WNT4: variants seen among roughly 807,000 people sequenced by gnomAD.
WNT4 encodes Wnt family member 4.
Under a neutral mutation model 34.5 loss-of-function variants are expected in WNT4, and 16 were observed. That is an observed-to-expected ratio of 0.46 (90% confidence interval 0.31 to 0.70). WNT4 has a LOEUF of 0.70. Among genes scored for constraint, WNT4 ranks in the 30% least tolerant of loss-of-function variants. The pLI is 0.04. For missense variants in WNT4, 379 were observed against 495.9 expected, an observed-to-expected ratio of 0.76 and a Z score of 2.24; for synonymous variants, 200 against 211.9, an observed-to-expected ratio of 0.94 and a Z score of 0.49.
intron 1 of WNT4, among the ~76,000 whole-genome samples, chr1:22,141,254 CTTT>C (rs1006607556): frequency 6.6e-6 from 1 of 152,154 alleles, no homozygotes; most frequent in Admixed American, 6.5e-5. Flanking sequence ...TGGACTGCCA[CTTT>C]TTTTTCTTTG....
At chr1:22,127,292 G>A (rs756319761) in intron 2 of WNT4, 1 of 526,336 alleles carries the variant, frequency 1.9e-6, no homozygotes, top group Non-Finnish European at 3.9e-6. Flanking sequence ...TGCTGAGCCG[G>A]TGTGGGTGCC....
Position 22,137,726 on chromosome 1 carries a change from C to T in WNT4, c.77+5120G>A, listed in dbSNP as rs1330703391. On this transcript the variant is annotated intron_variant, in intron 1 of 4. Transcript: ENST00000290167. The surrounding 1 kb of genome is among the most constrained non-coding windows in gnomAD (Gnocchi z 5.3). ...GCCTGAGCAACCCCCTCGGGCAGAG[C>T]CTGGTCCTGGGGTGCTGCAGTGCTG... Among the ~76,000 whole-genome samples, 1 of 152,222 alleles carries T rather than the reference C, an allele frequency of 6.6e-6. No individual in the cohort carries two copies. The highest frequency in any genetic ancestry group is 1.9e-4 in the East Asian group (1 of 5,198).
intron 1 of WNT4, among the ~76,000 whole-genome samples, chr1:22,131,118 G>A (rs34087879): frequency 0.16 from 24,374 of 152,256 alleles, 2,032 homozygotes; most frequent in Admixed American, 0.2. Flanking sequence ...GGCAGAGACA[G>A]TATTCTCTGT....
chr1:22,122,383 C>T (rs1301936539), intron 2 of WNT4, among the ~76,000 whole-genome samples: 3 of 152,124 alleles, frequency 2.0e-5, no homozygotes, highest in East Asian at 1.9e-4. Context: ...CTCAAGCACA[C>T]GTCTGTCTGC....
intron 2 of WNT4, among the ~76,000 whole-genome samples, chr1:22,125,194 C>T (rs1295397900): frequency 2.6e-5 from 4 of 152,128 alleles, no homozygotes; most frequent in Non-Finnish European, 5.9e-5. Context: ...GGCCAGACCT[C>T]GCACCTCTCT....
chr1:22,129,009 C>T (rs774387202), intron 2 of WNT4, among the ~76,000 whole-genome samples: 9 of 152,252 alleles, frequency 5.9e-5, no homozygotes, highest in East Asian at 1.9e-4. Flanking sequence ...CATGAGCTGC[C>T]GCGCCCAGCT....
chr1:22,120,513 A>G lies in WNT4; in HGVS notation c.593T>C (p.Ile198Thr). The G allele has an allele frequency of 1.2e-6, 2 of 1,610,624 alleles. No homozygotes were observed. The highest frequency in any genetic ancestry group is 1.7e-6 in the Non-Finnish European group (2 of 1,178,786). ...GCATTCCACCCGCATGTGTGTCAGG[A>G]TGGCCTGTGGGAGAGGGTGGGGGAG... ...LHNNEAGRKA[I>T]LTHMRVECKC... Residue 198 changes from isoleucine (I) to threonine (T), a missense_variant, in exon 5 of 5, where the codon ATC becomes ACC. By Grantham distance (89) the Ile-to-Thr change is moderately conservative. Around this residue, in one of 2 missense-constraint regions of WNT4, gnomAD observed 313 missense variants for 445.8 expected, o/e 0.70. Coordinates refer to ENST00000290167, the MANE Select transcript of WNT4 (RefSeq NM_030761.5).
intron 2 of WNT4, among the ~76,000 whole-genome samples, chr1:22,128,886 A>AT (rs556063858): frequency 0.013 from 1,954 of 151,906 alleles, 34 homozygotes; most frequent in African/African-American, 0.039. Context: ...CGCCCGGCTA[A>AT]TTTTTTTGTA....
intron 2 of WNT4, among the ~76,000 whole-genome samples, chr1:22,122,677 G>GC (rs35945003): frequency 9.2e-6 from 1 of 108,584 alleles, no homozygotes; most frequent in Non-Finnish European, 2.0e-5. Context: ...CAGGAGCGGA[G>GC]GGGGCAGGCT....
chr1:22,121,077 T>A (rs1485037770), intron 4 of WNT4, 134 bp downstream of exon 4: 1 of 1,443,692 alleles, frequency 6.9e-7, no homozygotes, highest in Non-Finnish European at 9.3e-7. Flanking sequence ...TGAACCCCAC[T>A]GGCCTACAGA....
intron 2 of WNT4, among the ~76,000 whole-genome samples, chr1:22,122,543 G>A (rs568246103): frequency 6.6e-6 from 1 of 152,170 alleles, no homozygotes; most frequent in African/African-American, 2.4e-5. Flanking sequence ...GTGTGAGCTG[G>A]AGTATGCATG....
rs35917567 is a variant in WNT4 at position 22,119,228 on chromosome 1, G to GTGTGTGTGTT, written c.*821_*822insAACACACACA. The GTGTGTGTGTT allele has an allele frequency of 0.017, 2,068 of 120,534 alleles. 88 individuals carry two copies. Among genetic ancestry groups the GTGTGTGTGTT allele is most frequent in the East Asian group, 0.057 (246 of 4,318 alleles). The allele number at this position is 120,534 out of a possible 1,614,324, so 7.5% of individuals were successfully genotyped here. On this transcript the variant is annotated 3_prime_UTR_variant, in exon 5 of 5. Coordinates refer to ENST00000290167, the MANE Select transcript of WNT4 (RefSeq NM_030761.5). ...TGTGTGTGTGTGTGTGTGTGTGTGT[G>GTGTGTGTGTT]TTTCAGTTTCATGGAGGAACAGCGC...
intron 2 of WNT4, among the ~76,000 whole-genome samples, chr1:22,123,723 T>C (rs1462336119): frequency 6.6e-6 from 1 of 152,194 alleles, no homozygotes. Flanking sequence ...TCCAGAGCTT[T>C]TAAACCTGAC....
At chr1:22,138,490 G>A (rs1433205026) in intron 1 of WNT4, among the ~76,000 whole-genome samples, 1 of 152,128 alleles carries the variant, frequency 6.6e-6, no homozygotes, top group Admixed American at 6.5e-5. Context: ...GCCGGTAAAG[G>A]TCAGGTATGC....
intron 2 of WNT4, among the ~76,000 whole-genome samples, chr1:22,125,263 C>G (rs949793655): frequency 1.3e-5 from 2 of 152,020 alleles, no homozygotes; most frequent in South Asian, 2.1e-4. Flanking sequence ...TTCTAATTGT[C>G]TTGTGTGTGT....
At chr1:22,132,225 C>A (rs1054710044) in intron 1 of WNT4, among the ~76,000 whole-genome samples, 12 of 152,170 alleles carry the variant, frequency 7.9e-5, no homozygotes, top group African/African-American at 2.9e-4. Context: ...GGGTGGGGGC[C>A]CTGTTTGCTC....
chr1:22,119,685 C>T lies in WNT4; in HGVS notation c.*365G>A, dbSNP rs1000915798. 5.6e-6 allele frequency: 2 copies of T among 359,560 alleles called. No homozygotes were observed. The highest frequency in any genetic ancestry group is 1.0e-5 in the Non-Finnish European group (2 of 191,504). The allele number at this position is 359,560 out of a possible 1,614,324, so 22.3% of individuals were successfully genotyped here. On this transcript the variant is annotated 3_prime_UTR_variant, in exon 5 of 5. Coordinates refer to ENST00000290167, the MANE Select transcript of WNT4 (RefSeq NM_030761.5). ...CCCTGCCATAAGGCCCCCTCTTCCCCGATGACACGGTCAGTAGCCATGTGG... is the reference window on the plus strand; with the variant it reads ...CCCTGCCATAAGGCCCCCTCTTCCCTGATGACACGGTCAGTAGCCATGTGG...
chr1:22,123,103 T>C (rs1382034221), intron 2 of WNT4, among the ~76,000 whole-genome samples: 1 of 152,212 alleles, frequency 6.6e-6, no homozygotes, highest in African/African-American at 2.4e-5. Context: ...CAGTTTCTGG[T>C]ATTTCTGGTA....
chr1:22,129,758 G>A lies in WNT4; in HGVS notation c.171C>T (p.Cys57=). Residue 57 remains cysteine (C), a synonymous_variant, in exon 2 of 5, where the codon TGC becomes TGT. Coordinates refer to ENST00000290167, the MANE Select transcript of WNT4 (RefSeq NM_030761.5). The stretch of plus-strand genomic sequence containing the variant: ...AGTCCATGACTTCCAGGTTCCGCTT[G>A]CACATCTGCACCTGCCTCTGGATCA... ...KGLIQRQVQM[C]KRNLEVMDSV... is the part of the protein sequence containing the mutation. The A allele has an allele frequency of 6.2e-7, 1 of 1,614,050 alleles. No individual in the cohort carries two copies. The highest frequency in any genetic ancestry group is 8.5e-7 in the Non-Finnish European group (1 of 1,180,038).
Sources: gnomAD v4.1 joint callset for allele counts (sites outside exome capture counted in the v4.1 genomes callset) on GRCh38, gnomAD v4.1.1 for gene constraint, gnomAD v4.1.1 regional missense constraint, Gnocchi (gnomAD v3.1) non-coding constraint, MANE v1.5 for transcripts, NCBI Gene and HGNC (gene_info 2026-07-23, HGNC 2026-07-21) for gene names.